Variants in CSMD1 observed in about 807,000 individuals in gnomAD.
CSMD1 encodes the protein CUB and sushi domain-containing protein 1.
In CSMD1, 213 loss-of-function variants were observed where a neutral mutation model predicts 417.5. The ratio of observed to expected loss-of-function variants is 0.51; its 90% CI spans 0.46 to 0.57. The LOEUF (loss-of-function observed/expected upper bound fraction) is 0.57. CSMD1 is among the 20% of genes least tolerant of loss of function. CSMD1 has a pLI of 0.00. For synonymous variants in CSMD1, 2,862 were observed against 1,736.8 expected (o/e 1.65, Z -16.11); for missense variants, 6,923 against 4,529.7 (o/e 1.53, Z -15.17).
intron 1 of CSMD1, among the ~76,000 whole-genome samples, chr8:4,759,755 T>G (rs772054056): frequency 6.6e-6 from 1 of 152,234 alleles, no homozygotes; most frequent in Non-Finnish European, 1.5e-5. Flanking sequence ...CATTCATTTT[T>G]ATGGCTGCAT....
At chr8:4,491,777 G>A (rs988329018) in intron 2 of CSMD1, among the ~76,000 whole-genome samples, 2 of 152,292 alleles carry the variant, frequency 1.3e-5, no homozygotes, top group South Asian at 2.1e-4. Flanking sequence ...TGGTGGGAAC[G>A]CAGAATGGTA....
At chr8:4,160,726 T>C (rs1797107296) in intron 3 of CSMD1, among the ~76,000 whole-genome samples, 3 of 152,240 alleles carry the variant, frequency 2.0e-5, no homozygotes. Context: ...CAAGTTGCAA[T>C]TATTTTCTAT....
At chr8:3,584,745 T>C (rs1032290989) in intron 9 of CSMD1, among the ~76,000 whole-genome samples, 22 of 152,198 alleles carry the variant, frequency 1.4e-4, no homozygotes, top group Admixed American at 1.2e-3. Flanking sequence ...TTAAAAATAA[T>C]GAAGCCTATT....
chr8:3,650,582 T>C (rs1037322379), intron 7 of CSMD1, among the ~76,000 whole-genome samples: 2 of 152,166 alleles, frequency 1.3e-5, no homozygotes, highest in Non-Finnish European at 2.9e-5. Flanking sequence ...CTGCTAGTTA[T>C]TCTGAGTACA....
intron 27 of CSMD1, among the ~76,000 whole-genome samples, chr8:3,227,393 A>T (rs1409747530): frequency 6.6e-6 from 1 of 152,118 alleles, no homozygotes; most frequent in Non-Finnish European, 1.5e-5. Context: ...GTGAGACTCT[A>T]CCTCAAAAAC....
intron 5 of CSMD1, among the ~76,000 whole-genome samples, chr8:3,824,321 A>C (rs184269712): frequency 6.6e-6 from 1 of 152,206 alleles, no homozygotes; most frequent in African/African-American, 2.4e-5. Context: ...GCCTAGGAAT[A>C]CTGAGAGGTT....
At chr8:3,085,425 G>C (rs1025282363) in intron 49 of CSMD1, among the ~76,000 whole-genome samples, 1 of 152,152 alleles carries the variant, frequency 6.6e-6, no homozygotes, top group African/African-American at 2.4e-5. Flanking sequence ...TTATTGCCAA[G>C]AATAAATCTG....
chr8:3,227,640 TA>T (rs1798592343), intron 27 of CSMD1, among the ~76,000 whole-genome samples: 1 of 152,138 alleles, frequency 6.6e-6, no homozygotes, highest in Admixed American at 6.5e-5. Flanking sequence ...TTGTGCCTTC[TA>T]AAAAGATTTA....
At chr8:3,594,997 A>T (rs1801024505) in intron 8 of CSMD1, among the ~76,000 whole-genome samples, 1 of 152,194 alleles carries the variant, frequency 6.6e-6, no homozygotes, top group Admixed American at 6.5e-5. Context: ...AGAAAAACAC[A>T]ACCCGGCCTC....
chr8:4,325,691 T>A (rs898850847), intron 3 of CSMD1, among the ~76,000 whole-genome samples: 1 of 152,078 alleles, frequency 6.6e-6, no homozygotes, highest in Non-Finnish European at 1.5e-5. Context: ...GAAAGCGAGA[T>A]GCAGGATAAA....
chr8:3,392,251 A>G (rs1218108254), intron 17 of CSMD1, among the ~76,000 whole-genome samples: 4 of 152,162 alleles, frequency 2.6e-5, no homozygotes, highest in African/African-American at 9.7e-5. Flanking sequence ...AACTTAAAGT[A>G]TAATAAAAAA....
intron 10 of CSMD1, among the ~76,000 whole-genome samples, chr8:3,531,853 C>A (rs1479493814): frequency 1.3e-5 from 2 of 152,244 alleles, no homozygotes; most frequent in African/African-American, 2.4e-5. Context: ...CTACGTGGGG[C>A]CAGGCCGGTC....
intron 3 of CSMD1, among the ~76,000 whole-genome samples, chr8:4,214,384 G>A (rs954333521): frequency 6.6e-6 from 1 of 152,158 alleles, no homozygotes; most frequent in South Asian, 2.1e-4. Flanking sequence ...TGCAACCTCT[G>A]CCTCCTGGAT....
intron 23 of CSMD1, among the ~76,000 whole-genome samples, chr8:3,340,315 C>A (rs773485775): frequency 6.6e-6 from 1 of 152,030 alleles, no homozygotes; most frequent in Admixed American, 6.6e-5. Context: ...TTGAAAGGTC[C>A]CTAAGTGTAT....
At chr8:3,706,879 G>A (rs188000878) in intron 7 of CSMD1, among the ~76,000 whole-genome samples, 1 of 152,028 alleles carries the variant, frequency 6.6e-6, no homozygotes, top group Non-Finnish European at 1.5e-5. Flanking sequence ...TCCTTCTACT[G>A]TTTCTCAGAT....
intron 3 of CSMD1, among the ~76,000 whole-genome samples, chr8:4,087,128 T>C (rs1355872810): frequency 6.6e-6 from 1 of 152,174 alleles, no homozygotes; most frequent in African/African-American, 2.4e-5. Context: ...CTCTGGGTGA[T>C]GGGAGGTTGC....
intron 53 of CSMD1, 33 bp downstream of exon 53, chr8:2,999,925 A>G (rs1338905519): frequency 6.4e-7 from 1 of 1,572,860 alleles, no homozygotes; most frequent in East Asian, 2.3e-5. Flanking sequence ...AAAAGGAAGC[A>G]TCGATGAATT....
chr8:4,454,549 C>A (rs540382818), intron 2 of CSMD1, among the ~76,000 whole-genome samples: 1 of 152,286 alleles, frequency 6.6e-6, no homozygotes, highest in Non-Finnish European at 1.5e-5. Flanking sequence ...TAATACAGAG[C>A]ACCTTTGCAC....
chr8:4,159,630 C>A (rs947286532), intron 3 of CSMD1, among the ~76,000 whole-genome samples: 1 of 152,130 alleles, frequency 6.6e-6, no homozygotes, highest in African/African-American at 2.4e-5. Context: ...ACTCTGTCGC[C>A]CAGGCTGGAG....
Sources: gnomAD v4.1 joint callset for allele counts (sites outside exome capture counted in the v4.1 genomes callset) on GRCh38, gnomAD v4.1.1 for gene constraint, MANE v1.5 for transcripts, NCBI Gene and HGNC (gene_info 2026-07-23, HGNC 2026-07-21) for gene names.